The following FSTL4 variants were observed in gnomAD, a reference collection of about 807,000 sequenced individuals.
The protein encoded by FSTL4 is follistatin like 4, also known as follistatin-related protein 4.
In FSTL4, 28 loss-of-function variants were observed where a neutral mutation model predicts 78.2. The ratio of observed to expected loss-of-function variants is 0.36; its 90% CI spans 0.27 to 0.49. FSTL4 has a LOEUF of 0.49. Ranked by LOEUF, FSTL4 falls within the 20% of genes least tolerant of loss-of-function variation. The probability of loss-of-function intolerance (pLI) is 0.98; values close to 1 mark genes in which losing one functional copy is unlikely to be tolerated. For missense variants in FSTL4, 922 were observed against 1,084.9 expected, an observed-to-expected ratio of 0.85 and a Z score of 2.11; for synonymous variants, 422 against 440.5, an observed-to-expected ratio of 0.96 and a Z score of 0.53.
chr5:133,458,060 A>G (rs1486628110), intron 3 of FSTL4: 1 of 152,150 alleles, frequency 6.6e-6, no homozygotes, highest in Non-Finnish European at 1.5e-5. Context: ...TTCCTTTCCC[A>G]TTCTGCGCAG....
the FSTL4 span, among the ~76,000 whole-genome samples, chr5:133,743,974 G>A: frequency 6.6e-6 from 1 of 152,226 alleles, no homozygotes; most frequent in Non-Finnish European, 1.5e-5. Context: ...AGACATAGAG[G>A]AAGAAGCCCA....
At chr5:133,499,413 CACAG>C (rs1421581834) in intron 3 of FSTL4, among the ~76,000 whole-genome samples, 2 of 149,234 alleles carry the variant, frequency 1.3e-5, no homozygotes, top group African/African-American at 5.1e-5. Flanking sequence ...CACACACACA[CACAG>C]AGTGTGTGAG....
chr5:133,400,955 G>A lies in FSTL4; in HGVS notation c.192C>T (p.Ser64=). ...CTCGGCTGCAGAACTTCTTCCCGCAGGAGGCCAGCAGCTCGTTGTGGCTGG... is the reference window on the plus strand; with the variant it reads ...CTCGGCTGCAGAACTTCTTCCCGCAAGAGGCCAGCAGCTCGTTGTGGCTGG... ...GLSSHNELLA[S]CGKKFCSRGS... is the part of the protein sequence containing the mutation. Residue 64 remains serine, a synonymous_variant, in exon 4 of 16, where the codon TCC becomes TCT. Transcript: ENST00000265342. The A allele has an allele frequency of 1.2e-6, 2 of 1,613,280 alleles. No homozygotes were observed. The highest frequency in any genetic ancestry group is 1.7e-6 in the Non-Finnish European group (2 of 1,180,032).
the FSTL4 span, among the ~76,000 whole-genome samples, chr5:133,791,252 A>G: frequency 6.6e-6 from 1 of 151,408 alleles, no homozygotes; most frequent in Non-Finnish European, 1.5e-5. Context: ...CCTTGGTGAA[A>G]TTGCAACCTG....
intron 2 of FSTL4, among the ~76,000 whole-genome samples, chr5:133,589,470 C>T (rs1489988045): frequency 6.6e-6 from 1 of 152,030 alleles, no homozygotes; most frequent in East Asian, 1.9e-4. Context: ...GCAGTAGCTG[C>T]CAAGTCCCCA....
the FSTL4 span, among the ~76,000 whole-genome samples, chr5:133,839,941 G>A: frequency 6.6e-6 from 1 of 152,230 alleles, no homozygotes; most frequent in Admixed American, 6.5e-5. Flanking sequence ...CAGCTACAGT[G>A]AGCTGCCCAC....
chr5:133,690,237 A>T, the FSTL4 span, among the ~76,000 whole-genome samples: 1 of 152,122 alleles, frequency 6.6e-6, no homozygotes, highest in Non-Finnish European at 1.5e-5. Context: ...TTCCATTAAT[A>T]AGATCAGACA....
At chr5:133,528,820 T>C (rs1759189966) in intron 3 of FSTL4, among the ~76,000 whole-genome samples, 3 of 152,236 alleles carry the variant, frequency 2.0e-5, no homozygotes, top group Non-Finnish European at 4.4e-5. Flanking sequence ...CCTCATATTT[T>C]AGAAATAAAC....
At chr5:133,569,456 T>C (rs1021802134) in intron 2 of FSTL4, among the ~76,000 whole-genome samples, 1 of 152,226 alleles carries the variant, frequency 6.6e-6, no homozygotes. Flanking sequence ...TAAAAATAAA[T>C]GTATGTGCTA....
At chr5:133,500,900 C>T (rs1260017969) in intron 3 of FSTL4, among the ~76,000 whole-genome samples, 1 of 151,796 alleles carries the variant, frequency 6.6e-6, no homozygotes, top group Non-Finnish European at 1.5e-5. Context: ...CAGTTTTCAA[C>T]ACTCTTGTAA....
At position 133,361,890 on chromosome 5, in the gene FSTL4, T is replaced by G. The variant is rs1426214008; in HGVS notation, c.409+38848A>C. Among the ~76,000 whole-genome samples the G allele has an allele frequency of 6.6e-6, 1 of 152,246 alleles. No individual in the cohort carries two copies. Among genetic ancestry groups the G allele is most frequent in the Non-Finnish European group, 1.5e-5 (1 of 68,046 alleles). Reference sequence around the variant, plus strand: ...ATACATTGTCACATGCCCCCATTTTTTGGATATCCCATTGGATATTCACGT... The same window carrying G: ...ATACATTGTCACATGCCCCCATTTTGTGGATATCCCATTGGATATTCACGT... On this transcript the variant is annotated intron_variant, in intron 4 of 15. Transcript: ENST00000265342. The surrounding 1 kb of genome is among the most constrained non-coding windows in gnomAD (Gnocchi z 4.3).
At chr5:133,403,228 T>C (rs765074050) in intron 3 of FSTL4, among the ~76,000 whole-genome samples, 4 of 152,238 alleles carry the variant, frequency 2.6e-5, no homozygotes, top group Non-Finnish European at 4.4e-5. Flanking sequence ...AACCCACTAA[T>C]TGCCCATTTT....
the FSTL4 span, among the ~76,000 whole-genome samples, chr5:133,767,929 A>C: frequency 2.6e-5 from 4 of 152,076 alleles, no homozygotes; most frequent in African/African-American, 4.8e-5. Context: ...AGGACTGAAA[A>C]CTCCGGTGGA....
the FSTL4 span, among the ~76,000 whole-genome samples, chr5:133,754,687 C>A: frequency 2.1e-3 from 322 of 152,250 alleles, 2 homozygotes; most frequent in African/African-American, 7.2e-3. Flanking sequence ...CCCAAGAGAC[C>A]ATGGTCAAAA....
intron 4 of FSTL4, among the ~76,000 whole-genome samples, chr5:133,328,017 A>C (rs1254901571): frequency 6.6e-6 from 1 of 152,160 alleles, no homozygotes; most frequent in Non-Finnish European, 1.5e-5. Flanking sequence ...CATATTTGTC[A>C]TCTCAGCTAA....
the FSTL4 span, among the ~76,000 whole-genome samples, chr5:133,679,201 C>T: frequency 5.9e-5 from 9 of 152,254 alleles, no homozygotes; most frequent in East Asian, 1.7e-3. Flanking sequence ...AGGTTTTAAT[C>T]ATAGGCTGGT....
the FSTL4 span, among the ~76,000 whole-genome samples, chr5:133,673,151 A>C: frequency 6.6e-6 from 1 of 152,232 alleles, no homozygotes; most frequent in Non-Finnish European, 1.5e-5. Context: ...TCAGTGAGCA[A>C]AGGAGTGACT....
intron 3 of FSTL4, among the ~76,000 whole-genome samples, chr5:133,506,316 C>T (rs906705168): frequency 6.6e-6 from 1 of 152,162 alleles, no homozygotes; most frequent in African/African-American, 2.4e-5. Flanking sequence ...AGCTGAGGAC[C>T]TTGTGCCAGG....
the FSTL4 span, among the ~76,000 whole-genome samples, chr5:133,679,794 CT>C: frequency 7.9e-5 from 12 of 152,190 alleles, no homozygotes; most frequent in Admixed American, 3.9e-4. Flanking sequence ...TGACCTCATC[CT>C]ATCCCAGGCC....
Sources: allele counts gnomAD v4.1 joint callset (sites outside exome capture counted in the v4.1 genomes callset), GRCh38; gene constraint gnomAD v4.1.1; non-coding constraint Gnocchi (gnomAD v3.1); transcripts MANE v1.5; gene names NCBI Gene and HGNC (gene_info 2026-07-23, HGNC 2026-07-21).